The following INPP4B variants were observed in gnomAD, a reference collection of about 807,000 sequenced individuals.
INPP4B encodes inositol polyphosphate 4-phosphatase type II.
In INPP4B, 55 loss-of-function variants were observed where a neutral mutation model predicts 122.5. The observed-to-expected ratio is 0.45, with a 90% confidence interval of 0.36 to 0.56. INPP4B has a LOEUF of 0.56. Among genes scored for constraint, INPP4B ranks in the 20% least tolerant of loss-of-function variants. The probability of loss-of-function intolerance (pLI) is 0.00; values close to 1 mark genes in which losing one functional copy is unlikely to be tolerated. For missense variants in INPP4B, 1,000 were observed against 1,097.7 expected (o/e 0.91, Z 1.26); for synonymous variants, 403 against 388.7 (o/e 1.04, Z -0.43).
intron 7 of INPP4B, among the ~76,000 whole-genome samples, chr4:142,353,130 G>C (rs1294966268): frequency 4.0e-5 from 6 of 151,856 alleles, no homozygotes; most frequent in African/African-American, 1.5e-4. Flanking sequence ...TATAAAAAAC[G>C]ATGTCTTCAA....
intron 2 of INPP4B, among the ~76,000 whole-genome samples, chr4:142,555,635 G>T (rs1038784556): frequency 6.6e-6 from 1 of 152,030 alleles, no homozygotes; most frequent in Non-Finnish European, 1.5e-5. Flanking sequence ...TTGGGAGGCC[G>T]AGGCGGGTGG....
intron 23 of INPP4B, among the ~76,000 whole-genome samples, chr4:142,093,327 A>G (rs992285718): frequency 5.3e-5 from 8 of 152,118 alleles, no homozygotes; most frequent in Non-Finnish European, 1.2e-4. Flanking sequence ...GCAGAGAGAA[A>G]CCATCCCCAG....
chr4:142,805,631 C>T (rs1778585203), intron 1 of INPP4B, among the ~76,000 whole-genome samples: 1 of 152,064 alleles, frequency 6.6e-6, no homozygotes, highest in African/African-American at 2.4e-5. Flanking sequence ...ACAATGAGGA[C>T]GAAGACCTTT....
At chr4:142,642,218 G>T (rs547906727) in intron 2 of INPP4B, among the ~76,000 whole-genome samples, 1 of 152,106 alleles carries the variant, frequency 6.6e-6, no homozygotes, top group African/African-American at 2.4e-5. Flanking sequence ...TCTGTAGGTT[G>T]CCTGTTCACT....
intron 2 of INPP4B, among the ~76,000 whole-genome samples, chr4:142,651,392 G>A (rs2150536380): frequency 6.6e-6 from 1 of 152,242 alleles, no homozygotes; most frequent in Non-Finnish European, 1.5e-5. Context: ...GAAAGAGATA[G>A]AGACATAAAA....
At chr4:142,163,213 A>G (rs1820995499) in intron 16 of INPP4B, among the ~76,000 whole-genome samples, 1 of 151,948 alleles carries the variant, frequency 6.6e-6, no homozygotes, top group Non-Finnish European at 1.5e-5. Context: ...AGAAAGAAAA[A>G]ATAGAAAATT....
At chr4:142,742,625 A>AAT (rs1213988796) in intron 1 of INPP4B, among the ~76,000 whole-genome samples, 3 of 151,984 alleles carry the variant, frequency 2.0e-5, no homozygotes, top group Non-Finnish European at 4.4e-5. Flanking sequence ...AAATGAAGCA[A>AAT]ATATATATTC....
intron 23 of INPP4B, among the ~76,000 whole-genome samples, chr4:142,090,719 A>T (rs1166558008): frequency 6.6e-6 from 1 of 151,552 alleles, no homozygotes; most frequent in Non-Finnish European, 1.5e-5. Context: ...TTTTTTTTCA[A>T]ATGGAGTTTA....
At chr4:142,241,703 A>G (rs1347369539) in intron 11 of INPP4B, among the ~76,000 whole-genome samples, 1 of 152,216 alleles carries the variant, frequency 6.6e-6, no homozygotes, top group Non-Finnish European at 1.5e-5. Flanking sequence ...AATCAAAGAG[A>G]TATCATAGGG....
intron 25 of INPP4B, among the ~76,000 whole-genome samples, chr4:142,046,113 A>G (rs1447950268): frequency 6.6e-6 from 1 of 152,082 alleles, no homozygotes; most frequent in African/African-American, 2.4e-5. Flanking sequence ...AAACTTTGAG[A>G]AGGGCCAAAC....
chr4:142,185,039 G>A (rs867286858), intron 15 of INPP4B, among the ~76,000 whole-genome samples: 1 of 152,072 alleles, frequency 6.6e-6, no homozygotes, highest in Non-Finnish European at 1.5e-5. Flanking sequence ...AAGGAAGGAC[G>A]GTAATTAAGA....
intron 2 of INPP4B, among the ~76,000 whole-genome samples, chr4:142,576,940 C>T (rs1274111501): frequency 2.0e-5 from 3 of 151,980 alleles, no homozygotes; most frequent in Non-Finnish European, 4.4e-5. Context: ...TGTCCATGTA[C>T]ACATGCACAT....
At chr4:142,264,771 AG>A (rs1211927880) in intron 10 of INPP4B, among the ~76,000 whole-genome samples, 7 of 152,190 alleles carry the variant, frequency 4.6e-5, no homozygotes, top group African/African-American at 1.4e-4. Flanking sequence ...TGTCTTCCAA[AG>A]TTCATATGTT....
chr4:142,059,688 C>T (rs1759572826), intron 25 of INPP4B, among the ~76,000 whole-genome samples: 1 of 152,114 alleles, frequency 6.6e-6, no homozygotes, highest in Admixed American at 6.6e-5. Flanking sequence ...GAAGAAGCAA[C>T]TCATAGTCAA....
intron 12 of INPP4B, among the ~76,000 whole-genome samples, chr4:142,214,607 C>T (rs1356565615): frequency 2.0e-5 from 3 of 152,190 alleles, no homozygotes; most frequent in African/African-American, 7.2e-5. Flanking sequence ...GGCTGAAATA[C>T]GGTGGTGTGA....
At chr4:142,823,107 G>C (rs1314647566) in intron 1 of INPP4B, among the ~76,000 whole-genome samples, 1 of 152,168 alleles carries the variant, frequency 6.6e-6, no homozygotes, top group African/African-American at 2.4e-5. Flanking sequence ...GGCCACTTTA[G>C]TTCACAAGTC....
intron 9 of INPP4B, chr4:142,286,812 T>C (rs1014426809): frequency 6.6e-6 from 1 of 152,208 alleles, no homozygotes; most frequent in Non-Finnish European, 1.5e-5. Flanking sequence ...AAATATAAAG[T>C]GGTGGTCACT....
chr4:142,567,457 C>G (rs765709662), intron 2 of INPP4B, among the ~76,000 whole-genome samples: 3 of 152,080 alleles, frequency 2.0e-5, no homozygotes, highest in Non-Finnish European at 4.4e-5. Context: ...ATTATCTCCC[C>G]CTTCAGCCTT....
intron 2 of INPP4B, among the ~76,000 whole-genome samples, chr4:142,527,368 A>G (rs1316429083): frequency 6.6e-6 from 1 of 151,998 alleles, no homozygotes; most frequent in East Asian, 1.9e-4. Flanking sequence ...ACACACATAT[A>G]TGCATATACC....
Sources: gnomAD v4.1 joint callset for allele counts (sites outside exome capture counted in the v4.1 genomes callset) on GRCh38, gnomAD v4.1.1 for gene constraint, MANE v1.5 for transcripts, NCBI Gene and HGNC (gene_info 2026-07-23, HGNC 2026-07-21) for gene names.